Variants in NAV1 observed in about 807,000 individuals in gnomAD.
NAV1 encodes neuron navigator 1, also known as pore membrane and/or filament interacting like protein 3.
In NAV1, 18 loss-of-function variants were observed where a neutral mutation model predicts 175.2. That is an observed-to-expected ratio of 0.10 (90% CI 0.07 to 0.15). The LOEUF is 0.15. NAV1 is among the 10% of genes least tolerant of loss of function. NAV1 has a pLI of 1.00. For synonymous variants in NAV1, 897 were observed against 978.7 expected (o/e 0.92, Z 1.56); for missense variants, 1,731 against 2,436.6 (o/e 0.71, Z 6.10).
At chr1:201,638,006 G>T (rs1162692522) in intron 2 of NAV1, among the ~76,000 whole-genome samples, 5 of 152,214 alleles carry the variant, frequency 3.3e-5, no homozygotes, top group African/African-American at 1.2e-4. Context: ...ACAGGGATCT[G>T]ATTTTAAATG....
chr1:201,621,381 T>G (rs578009567), upstream of NAV1, among the ~76,000 whole-genome samples: 1 of 148,594 alleles, frequency 6.7e-6, no homozygotes, highest in East Asian at 2.1e-4. Context: ...TCACCCAGGC[T>G]GGAGTGCAGT....
Position 201,812,808 on chromosome 1 carries a change from C to T in NAV1, c.5221+147C>T, listed in dbSNP as rs57709699. On this transcript the variant is annotated intron_variant, in intron 27 of 29. Coordinates refer to ENST00000367296, the Ensembl canonical transcript of NAV1. This position sits in a 1 kb window ranked among gnomAD's most constrained non-coding sequence, Gnocchi z 4.6. ...TGGCTTCAGACTTAGAACCACTTAA[C>T]GAGCCTTCCCAACACAGTTAGCACC... The T allele has an allele frequency of 0.017, 11,739 of 702,172 alleles. 1,051 individuals are homozygous for T. The African/African-American group carries it at 0.19, about 11-fold the overall frequency. The allele number at this position is 702,172 out of a possible 1,614,324, so 43.5% of individuals were successfully genotyped here. A position where few individuals can be genotyped will look rare whatever the true frequency, so the allele number is the denominator to read the frequency against.
At chr1:201,600,288 C>A (rs1667478245) in intron 2 of NAV1, among the ~76,000 whole-genome samples, 1 of 152,234 alleles carries the variant, frequency 6.6e-6, no homozygotes, top group Non-Finnish European at 1.5e-5. Flanking sequence ...CTTCCTTTTA[C>A]TCCTGCCCCA....
chr1:201,633,752 TG>T (rs1410924205), intron 2 of NAV1, among the ~76,000 whole-genome samples: 1 of 152,228 alleles, frequency 6.6e-6, no homozygotes, highest in Admixed American at 6.5e-5. Context: ...CCCAGTCATC[TG>T]TGGAGAGAAG....
upstream of NAV1, among the ~76,000 whole-genome samples, chr1:201,621,880 G>A (rs1052303675): frequency 2.0e-5 from 3 of 152,168 alleles, no homozygotes; most frequent in Non-Finnish European, 2.9e-5. Flanking sequence ...GGAATTGATT[G>A]TATGTATCTT....
chr1:201,623,575 G>A (rs1668238476), exon 1 of NAV1: 2 of 986,660 alleles, frequency 2.0e-6, no homozygotes, highest in Non-Finnish European at 2.4e-6. Flanking sequence ...GAGTCAGCCA[G>A]TCACAGCCAC....
At chr1:201,765,817 TGAC>T (rs941055102) in intron 3 of NAV1, among the ~76,000 whole-genome samples, 1 of 152,234 alleles carries the variant, frequency 6.6e-6, no homozygotes, top group African/African-American at 2.4e-5. Flanking sequence ...AAAATTGTGA[TGAC>T]TATTTTTTCT....
At chr1:201,720,045 G>T (rs989994349) in intron 3 of NAV1, among the ~76,000 whole-genome samples, 1 of 152,228 alleles carries the variant, frequency 6.6e-6, no homozygotes, top group Non-Finnish European at 1.5e-5. Flanking sequence ...CCAGGGGCCA[G>T]CCCAACCTCG....
intron 3 of NAV1, among the ~76,000 whole-genome samples, chr1:201,755,384 G>A (rs10920250): frequency 0.24 from 37,024 of 151,982 alleles, 5,616 homozygotes; most frequent in Non-Finnish European, 0.34. Flanking sequence ...TTACACCACT[G>A]CACTTCAGCC....
chr1:201,711,165 G>C (rs1671890103), intron 1 of NAV1, among the ~76,000 whole-genome samples: 1 of 152,264 alleles, frequency 6.6e-6, no homozygotes, highest in African/African-American at 2.4e-5. Flanking sequence ...ACTGGGGATA[G>C]AGCTTAGGCC....
At chr1:201,777,549 CTT>C (rs761131780) in intron 3 of NAV1, among the ~76,000 whole-genome samples, 5 of 135,172 alleles carry the variant, frequency 3.7e-5, no homozygotes, top group Admixed American at 7.8e-5. Context: ...TGCACCCAGC[CTT>C]TTTTTTTTTT....
chr1:201,783,552 G>A (rs764627851), exon 7 of NAV1: 1 of 1,613,962 alleles, frequency 6.2e-7, no homozygotes, highest in Non-Finnish European at 8.5e-7. Flanking sequence ...GCATCTGGGG[G>A]CCCTCTCCCT....
rs1676356331 is a variant in NAV1 at position 201,782,035 on chromosome 1, T to G, written c.1664-141T>G. ...CAAGAAACTTTATCAGCTTATCTTG[T>G]ACCTGTTTACCCAAATTTAGGCCTC... On this transcript the variant is annotated intron_variant, in intron 5 of 29. Coordinates refer to ENST00000367296, the Ensembl canonical transcript of NAV1. The surrounding 1 kb of genome is among the most constrained non-coding windows in gnomAD (Gnocchi z 5.4). 1.5e-6 allele frequency: 1 copy of G among 684,490 alleles called. No individual in the cohort carries two copies. The highest frequency in any genetic ancestry group is 2.4e-5 in the South Asian group (1 of 41,022). The allele number at this position is 684,490 out of a possible 1,614,324, so 42.4% of individuals were successfully genotyped here.
chr1:201,661,202 T>C (rs1176766566), intron 1 of NAV1, among the ~76,000 whole-genome samples: 2 of 152,200 alleles, frequency 1.3e-5, no homozygotes. Context: ...CCTCTTGATG[T>C]TCTAGAACCC....
At chr1:201,785,457 T>A in intron 8 of NAV1, 106 bp downstream of exon 12, 1 of 1,182,450 alleles carries the variant, frequency 8.5e-7, no homozygotes, top group Non-Finnish European at 1.2e-6. Context: ...TTAGTCACCC[T>A]TTTAGCTGAA....
rs568799782 is a variant in NAV1, at chr1:201,746,308, A to G, written c.1226+27553A>G. ...CTGATAGGATACCACTGTAAGAGCT[A>G]ATATAGCTGTACAGCTTTGGACATA... On this transcript the variant is annotated intron_variant, in intron 3 of 29. Coordinates refer to ENST00000367296, the Ensembl canonical transcript of NAV1. Among the ~76,000 whole-genome samples the G allele has an allele frequency of 3.3e-4, 51 of 152,360 alleles. No homozygotes were observed. In the South Asian group the frequency reaches 5.2e-3, roughly 15 times the overall value.
intron 1 of NAV1, among the ~76,000 whole-genome samples, chr1:201,702,073 C>G (rs572088072): frequency 6.6e-6 from 1 of 152,312 alleles, no homozygotes; most frequent in South Asian, 2.1e-4. Flanking sequence ...GTGATGCTTG[C>G]TACAACATGG....
chr1:201,754,286 C>A (rs1214901891), intron 3 of NAV1, among the ~76,000 whole-genome samples: 1 of 152,082 alleles, frequency 6.6e-6, no homozygotes, highest in African/African-American at 2.4e-5. Context: ...ACCAGTAAGT[C>A]AAGAGCCACA....
intron 3 of NAV1, among the ~76,000 whole-genome samples, chr1:201,738,412 AG>A (rs1238393348): frequency 3.3e-5 from 5 of 152,088 alleles, no homozygotes; most frequent in African/African-American, 1.2e-4. Flanking sequence ...CTGTCCTCTA[AG>A]AACTGTGGTT....
Sources: gnomAD v4.1 joint callset for allele counts (sites outside exome capture counted in the v4.1 genomes callset) on GRCh38, gnomAD v4.1.1 for gene constraint, Gnocchi (gnomAD v3.1) non-coding constraint, MANE v1.5 for transcripts, NCBI Gene and HGNC (gene_info 2026-07-23, HGNC 2026-07-21) for gene names.